IL18R1: variants seen among roughly 807,000 people sequenced by gnomAD.
IL18R1 encodes interleukin-18 receptor 1.
A neutral mutation model predicts 48.5 loss-of-function variants in IL18R1; 40 were observed. The observed-to-expected ratio is 0.82, with a 90% confidence interval of 0.64 to 1.07. IL18R1 has a LOEUF of 1.07. Among genes scored for constraint, IL18R1 ranks in the 50% least tolerant of loss-of-function variants. The probability of loss-of-function intolerance (pLI) is 0.00; values close to 1 mark genes in which losing one functional copy is unlikely to be tolerated. For synonymous variants in IL18R1, 232 were observed against 225.9 expected (o/e 1.03, Z -0.24); for missense variants, 596 against 633.7 (o/e 0.94, Z 0.64).
intron 3 of IL18R1, among the ~76,000 whole-genome samples, chr2:102,371,200 GT>G (rs1266033116): frequency 1.3e-5 from 2 of 151,880 alleles, no homozygotes; most frequent in Non-Finnish European, 2.9e-5. Flanking sequence ...AATTTTTGTA[GT>G]TTTAGTAGAG....
rs185082581 is a variant in IL18R1, at chr2:102,355,796, G to C, written c.-633G>C. The C allele has an allele frequency of 2.0e-5, 3 of 152,342 alleles. No individual in the cohort carries two copies. The highest frequency in any genetic ancestry group is 4.8e-5 in the African/African-American group (2 of 41,564). The allele number at this position is 152,342 out of a possible 1,614,324, so 9.4% of individuals were successfully genotyped here. On this transcript the variant is annotated 5_prime_UTR_variant, in exon 1 of 11. Coordinates refer to ENST00000233957, the MANE Select transcript of IL18R1 (RefSeq NM_003855.5). ...ACCCGGCTACAGCCCGGGTTTTCCC[G>C]GGACCCGCGCCGCGCGGCTGGGCAG...
chr2:102,369,752 A>G (rs1329526268), intron 3 of IL18R1, among the ~76,000 whole-genome samples: 2 of 152,236 alleles, frequency 1.3e-5, no homozygotes, highest in Non-Finnish European at 2.9e-5. Flanking sequence ...TTTACACCTG[A>G]AAATTTCCCG....
At chr2:102,364,587 T>C (rs1678772894) in intron 2 of IL18R1, among the ~76,000 whole-genome samples, 1 of 152,194 alleles carries the variant, frequency 6.6e-6, no homozygotes, top group Non-Finnish European at 1.5e-5. Flanking sequence ...AAAATAGAGA[T>C]TGTATTGCAA....
Position 102,394,462 on chromosome 2 carries a change from C to G in IL18R1, c.1112-7C>G, listed in dbSNP as rs755568985. 1 of 1,599,802 alleles carries G rather than the reference C, an allele frequency of 6.3e-7. No homozygotes were observed. The highest frequency in any genetic ancestry group is 1.3e-5 in the African/African-American group (1 of 74,390). ...CATGAATTAAAAGAGCCAATCTTACCTCCTAGATGGAAAAACATATGATGC... is the reference window on the plus strand; with the variant it reads ...CATGAATTAAAAGAGCCAATCTTACGTCCTAGATGGAAAAACATATGATGC... On this transcript the variant is annotated splice_region_variant and splice_polypyrimidine_tract_variant and intron_variant, in intron 9 of 10. Transcript: ENST00000233957.
intron 6 of IL18R1, among the ~76,000 whole-genome samples, chr2:102,382,010 C>T (rs1218604951): frequency 2.0e-5 from 3 of 152,124 alleles, no homozygotes; most frequent in Admixed American, 6.5e-5. Context: ...TGGTGGCTCA[C>T]GCCTGTAATC....
intron 10 of IL18R1, among the ~76,000 whole-genome samples, chr2:102,394,909 G>A (rs535248982): frequency 4.6e-5 from 7 of 152,276 alleles, no homozygotes; most frequent in Non-Finnish European, 1.0e-4. Flanking sequence ...CAGAGCTGGC[G>A]TTATCATGAA....
intron 1 of IL18R1, among the ~76,000 whole-genome samples, chr2:102,358,790 G>T (rs1314068064): frequency 2.0e-5 from 3 of 152,124 alleles, no homozygotes; most frequent in Non-Finnish European, 4.4e-5. Context: ...TACTTTCCAA[G>T]ATATCATGCG....
intron 5 of IL18R1, among the ~76,000 whole-genome samples, chr2:102,380,099 G>A (rs568112695): frequency 5.9e-5 from 9 of 152,204 alleles, no homozygotes; most frequent in East Asian, 3.9e-4. Flanking sequence ...ATCGGGTGGC[G>A]TCTCCTCCTA....
intron 2 of IL18R1, among the ~76,000 whole-genome samples, chr2:102,366,138 AT>A (rs1008539176): frequency 3.9e-5 from 6 of 152,022 alleles, no homozygotes; most frequent in Non-Finnish European, 5.9e-5. Flanking sequence ...ACGAACATGG[AT>A]TTTTCTCTCC....
At chr2:102,389,357 A>T (rs890673650) in intron 8 of IL18R1, among the ~76,000 whole-genome samples, 2 of 152,200 alleles carry the variant, frequency 1.3e-5, no homozygotes, top group Non-Finnish European at 2.9e-5. Flanking sequence ...AAATTACTTT[A>T]TTCTTTTTAT....
At chr2:102,382,426 G>C (rs1679973026) in intron 6 of IL18R1, among the ~76,000 whole-genome samples, 1 of 152,106 alleles carries the variant, frequency 6.6e-6, no homozygotes, top group African/African-American at 2.4e-5. Context: ...AGTTTGTCTA[G>C]ATAAGTCTTA....
chr2:102,362,778 G>GTT (rs558118656), intron 2 of IL18R1, 60 bp downstream of exon 2: 1,085 of 897,712 alleles, frequency 1.2e-3, no homozygotes, highest in South Asian at 2.8e-3. Flanking sequence ...GAATGTCAAA[G>GTT]TTTTTTTTTT....
In IL18R1 at chr2:102,372,018, G is replaced by T; in HGVS notation, c.368G>T (p.Arg123Ile). The change falls in exon 4 of 11, where the codon AGA becomes ATA. Residue 123 changes from arginine (R) to isoleucine (I), a missense_variant. By Grantham distance (97) the Arg-to-Ile change is moderately conservative (BLOSUM62 -3). Transcript: ENST00000233957. The stretch of plus-strand genomic sequence containing the variant: ...AATAAACACAGCTGTTTCACTGAAA[G>T]ACAAGTAACTAGTAAAATTGTGGAA... ...RRNKHSCFTE[R>I]QVTSKIVEVK... 1 of 1,594,256 alleles carries T rather than the reference G, an allele frequency of 6.3e-7. No individual in the cohort carries two copies. The highest frequency in any genetic ancestry group is 1.1e-5 in the South Asian group (1 of 88,644).
rs764308236 is a variant in IL18R1 at position 102,368,115 on chromosome 2, C to G, written c.302+47C>G. On this transcript the variant is annotated intron_variant, in intron 3 of 10. Transcript: ENST00000233957. ...AAATGTATTTCACAGCCCTCTTGTC[C>G]TTTGTTCAGCAACTCAAATATGCAG... is the stretch of plus-strand genomic sequence containing the variant. The G allele has an allele frequency of 3.7e-6, 6 of 1,603,754 alleles. No homozygotes were observed. In the African/African-American group the frequency reaches 6.7e-5, roughly 18 times the overall value.
rs376574895 is a variant in IL18R1, at chr2:102,387,020, G to C, written c.949+20G>C. The C allele has an allele frequency of 5.0e-6, 8 of 1,606,730 alleles. No homozygotes were observed. The African/African-American group carries it at 8.1e-5, about 16-fold the overall frequency. ...GAAAAGGTGAGAAAGATTTATTTTT[G>C]GAAGTTTTGAAACTTAGCTCATTGC... On this transcript the variant is annotated intron_variant, in intron 8 of 10. Transcript: ENST00000233957.
intron 5 of IL18R1, among the ~76,000 whole-genome samples, chr2:102,376,579 G>T (rs11465623): frequency 0.073 from 11,138 of 152,232 alleles, 509 homozygotes; most frequent in Middle Eastern, 0.22. Flanking sequence ...GACAGATGCA[G>T]GAGGCTCCAT....
intron 7 of IL18R1, among the ~76,000 whole-genome samples, chr2:102,385,332 C>T (rs1204165649): frequency 6.6e-6 from 1 of 152,098 alleles, no homozygotes; most frequent in Non-Finnish European, 1.5e-5. Flanking sequence ...GTTGCCTAGG[C>T]CAAGCTTTTT....
At chr2:102,392,571 G>A (rs2105128526) in intron 9 of IL18R1, among the ~76,000 whole-genome samples, 1 of 152,236 alleles carries the variant, frequency 6.6e-6, no homozygotes, top group Middle Eastern at 3.4e-3. Context: ...GGACAGAAAT[G>A]GAGATATAAG....
chr2:102,357,327 T>C (rs1225719870), intron 1 of IL18R1, among the ~76,000 whole-genome samples: 1 of 151,836 alleles, frequency 6.6e-6, no homozygotes, highest in Non-Finnish European at 1.5e-5. Context: ...CCGTCTCTAC[T>C]AAAAATACAG....
Sources: allele counts gnomAD v4.1 joint callset (sites outside exome capture counted in the v4.1 genomes callset), GRCh38; gene constraint gnomAD v4.1.1; transcripts MANE v1.5; gene names NCBI Gene and HGNC (gene_info 2026-07-23, HGNC 2026-07-21).